TRIM49: variants seen among roughly 807,000 people sequenced by gnomAD.
TRIM49 encodes the protein tripartite motif containing 49, also known as tripartite motif-containing protein 49.
A neutral mutation model predicts 27.4 loss-of-function variants in TRIM49; 5 were observed. The observed-to-expected ratio is 0.18, with a 90% CI of 0.10 to 0.38. The LOEUF is 0.38. TRIM49 is among the 10% of genes least tolerant of loss of function. TRIM49 has a pLI of 1.00. For missense variants in TRIM49, 188 were observed against 487.5 expected (o/e 0.39, Z 5.79); for synonymous variants, 69 against 166.0 (o/e 0.42, Z 4.49).
chr11:89,805,191 T>G (rs1274681360), intron 2 of TRIM49, among the ~76,000 whole-genome samples: 4 of 151,326 alleles, frequency 2.6e-5, no homozygotes, highest in Non-Finnish European at 5.9e-5. Context: ...GCGGATTAAA[T>G]TAACTTCCCC....
intron 1 of TRIM49, among the ~76,000 whole-genome samples, chr11:89,807,522 T>C (rs986803482): frequency 6.6e-6 from 1 of 150,868 alleles, no homozygotes; most frequent in Non-Finnish European, 1.5e-5. Context: ...TTGAGTTTCT[T>C]CCATGATACA....
At chr11:89,774,429 T>C in the TRIM49 span, among the ~76,000 whole-genome samples, 1 of 150,482 alleles carries the variant, frequency 6.6e-6, no homozygotes, top group Non-Finnish European at 1.5e-5. Context: ...ATCAGCCAAT[T>C]TATCCCTTTC....
the TRIM49 span, among the ~76,000 whole-genome samples, chr11:89,772,121 C>T: frequency 7.4e-6 from 1 of 135,200 alleles, no homozygotes; most frequent in Non-Finnish European, 1.5e-5. Flanking sequence ...AGGATGAAAA[C>T]CCTTATAATG....
intron 3 of TRIM49, 62 bp downstream of exon 3, chr11:89,803,997 A>T: frequency 2.5e-6 from 4 of 1,611,584 alleles, no homozygotes; most frequent in Non-Finnish European, 3.4e-6. Flanking sequence ...TCTCCAAGAA[A>T]ATAGACCCAC....
At chr11:89,773,809 G>A in the TRIM49 span, among the ~76,000 whole-genome samples, 2 of 133,034 alleles carry the variant, frequency 1.5e-5, 1 homozygote, top group Admixed American at 1.4e-4. Flanking sequence ...TTAGTGGCAG[G>A]TGCCTGTAAT....
chr11:89,785,226 GAATAAATAAATAAATA>G, the TRIM49 span, among the ~76,000 whole-genome samples: 3 of 133,274 alleles, frequency 2.3e-5, no homozygotes, highest in South Asian at 2.4e-4. Flanking sequence ...CTGCCTCAGT[GAATAAATAAATAAATA>G]AATAAATAAA....
chr11:89,772,011 CT>C, the TRIM49 span, among the ~76,000 whole-genome samples: 1 of 119,828 alleles, frequency 8.3e-6, no homozygotes, highest in Non-Finnish European at 1.6e-5. Flanking sequence ...CTGTGAGTCA[CT>C]TATAATTGGA....
chr11:89,785,261 TAAATA>T, the TRIM49 span, among the ~76,000 whole-genome samples: 1 of 118,902 alleles, frequency 8.4e-6, no homozygotes, highest in Non-Finnish European at 1.7e-5. Flanking sequence ...AATAAATAAA[TAAATA>T]AAATCACCTC....
downstream of TRIM49, among the ~76,000 whole-genome samples, chr11:89,794,478 C>G (rs1949675262): frequency 1.3e-5 from 2 of 151,540 alleles, no homozygotes; most frequent in African/African-American, 4.8e-5. Context: ...CACTACTTGA[C>G]TTCAAACTAT....
the TRIM49 span, among the ~76,000 whole-genome samples, chr11:89,785,771 T>C: frequency 6.9e-6 from 1 of 144,716 alleles, no homozygotes; most frequent in Non-Finnish European, 1.5e-5. Context: ...ATTTTATCAA[T>C]GTCCTAAGAA....
chr11:89,769,369 G>A, the TRIM49 span, among the ~76,000 whole-genome samples: 1 of 136,044 alleles, frequency 7.4e-6, no homozygotes, highest in Non-Finnish European at 1.5e-5. Context: ...TGATGGCAGG[G>A]CTTCATCTGA....
At chr11:89,768,870 A>G in the TRIM49 span, 14 of 499,448 alleles carry the variant, frequency 2.8e-5, no homozygotes, top group Non-Finnish European at 5.5e-5. Flanking sequence ...GAGAGAGAAA[A>G]CGACTCCTTT....
chr11:89,793,848 C>T (rs1348416256), downstream of TRIM49, among the ~76,000 whole-genome samples: 2 of 151,994 alleles, frequency 1.3e-5, no homozygotes, highest in African/African-American at 2.4e-5. Context: ...TACTCTTTCT[C>T]ACCTCTACTA....
chr11:89,787,935 T>A, the TRIM49 span: 1 of 359,562 alleles, frequency 2.8e-6, no homozygotes, highest in Non-Finnish European at 5.1e-6. Flanking sequence ...CCGCGTGTAT[T>A]TCCGCGCTGT....
At chr11:89,782,978 C>T in the TRIM49 span, among the ~76,000 whole-genome samples, 3,171 of 121,574 alleles carry the variant, frequency 0.026, 576 homozygotes, top group East Asian at 0.081. Context: ...GTGGATATCT[C>T]ATCTTACAAA....
chr11:89,802,190 C>G (rs1381140069), intron 4 of TRIM49, among the ~76,000 whole-genome samples: 2 of 144,034 alleles, frequency 1.4e-5, no homozygotes. Context: ...TTGAATTTCT[C>G]TATTCCAACC....
chr11:89,767,856 A>G, the TRIM49 span, among the ~76,000 whole-genome samples: 1 of 136,318 alleles, frequency 7.3e-6, no homozygotes, highest in Non-Finnish European at 1.5e-5. Context: ...CTGAATTTGA[A>G]ATTGAAACGT....
chr11:89,795,481 C>G (rs1343661630), downstream of TRIM49, among the ~76,000 whole-genome samples: 1 of 36,832 alleles, frequency 2.7e-5, no homozygotes, highest in Non-Finnish European at 5.7e-5. Context: ...AGACTTGGAA[C>G]CAACCGAAAT....
At chr11:89,805,170 T>C (rs1197196486) in intron 2 of TRIM49, among the ~76,000 whole-genome samples, 135 of 151,640 alleles carry the variant, frequency 8.9e-4, no homozygotes, top group African/African-American at 3.2e-3. Flanking sequence ...ATTGGGTCTT[T>C]TTATTTTCTT....
Sources: gnomAD v4.1 joint callset for allele counts (sites outside exome capture counted in the v4.1 genomes callset) on GRCh38, gnomAD v4.1.1 for gene constraint, MANE v1.5 for transcripts, NCBI Gene and HGNC (gene_info 2026-07-23, HGNC 2026-07-21) for gene names.